The following SETBP1 variants were observed in gnomAD, a reference collection of about 807,000 sequenced individuals.
SETBP1 encodes SET binding protein 1, also known as SET-binding protein.
In SETBP1, 9 loss-of-function variants were observed where a neutral mutation model predicts 101.0. The ratio of observed to expected loss-of-function variants is 0.09; its 90% CI spans 0.05 to 0.16. The LOEUF (loss-of-function observed/expected upper bound fraction) is 0.16, where lower values mean the gene tolerates loss of function less well. SETBP1 is among the 10% of genes least tolerant of loss of function. The pLI, the probability that SETBP1 is intolerant of heterozygous loss-of-function variation, is 1.00. For synonymous variants in SETBP1, 818 were observed against 788.5 expected (o/e 1.04, Z -0.63); for missense variants, 1,858 against 2,033.8 (o/e 0.91, Z 1.66).
intron 4 of SETBP1, among the ~76,000 whole-genome samples, chr18:45,000,386 C>T (rs951708531): frequency 6.6e-6 from 1 of 152,150 alleles, no homozygotes; most frequent in Non-Finnish European, 1.5e-5. Flanking sequence ...CTATAGTGAG[C>T]AGCCAGGATG....
chr18:44,710,869 TG>T (rs1202346573), intron 2 of SETBP1, among the ~76,000 whole-genome samples: 4 of 152,166 alleles, frequency 2.6e-5, no homozygotes, highest in African/African-American at 9.7e-5. Flanking sequence ...CTTGGAAGGT[TG>T]GCACTAAGGC....
At chr18:44,940,025 G>C (rs2071051977) in intron 3 of SETBP1, among the ~76,000 whole-genome samples, 1 of 152,148 alleles carries the variant, frequency 6.6e-6, no homozygotes, top group African/African-American at 2.4e-5. Flanking sequence ...TCATCTCTTA[G>C]TTATTGTTTT....
At chr18:44,988,133 A>G (rs1220106218) in intron 4 of SETBP1, 1 of 152,248 alleles carries the variant, frequency 6.6e-6, no homozygotes, top group African/African-American at 2.4e-5. Flanking sequence ...CGATTTGGAA[A>G]AGAAGGGACA....
intron 2 of SETBP1, among the ~76,000 whole-genome samples, chr18:44,783,668 A>G (rs1333841284): frequency 6.6e-6 from 1 of 152,224 alleles, no homozygotes; most frequent in Non-Finnish European, 1.5e-5. Context: ...TTTTGTGTAT[A>G]TCAGCATATT....
chr18:44,963,750 T>A (rs2071661629), intron 4 of SETBP1, among the ~76,000 whole-genome samples: 1 of 150,972 alleles, frequency 6.6e-6, no homozygotes, highest in South Asian at 2.1e-4. Flanking sequence ...ATTAGCCTGG[T>A]GTGGTGGTGC....
At chr18:44,758,842 T>C (rs1411291397) in intron 2 of SETBP1, among the ~76,000 whole-genome samples, 3 of 152,208 alleles carry the variant, frequency 2.0e-5, no homozygotes, top group East Asian at 1.9e-4. Context: ...TTCCCACCTA[T>C]GTTTTCCACA....
chr18:44,877,205 A>G, intron 3 of SETBP1: 1 of 796,314 alleles, frequency 1.3e-6, no homozygotes, highest in Non-Finnish European at 1.5e-6. Context: ...ACATTTAGAA[A>G]CTTTTATAGC....
At chr18:44,830,092 A>C (rs2072326944) in intron 2 of SETBP1, among the ~76,000 whole-genome samples, 1 of 152,208 alleles carries the variant, frequency 6.6e-6, no homozygotes, top group South Asian at 2.1e-4. Context: ...TAGGTAAATA[A>C]GTTTGGGGAA....
intron 2 of SETBP1, among the ~76,000 whole-genome samples, chr18:44,822,446 T>C (rs2072131717): frequency 6.6e-6 from 1 of 152,276 alleles, no homozygotes; most frequent in Non-Finnish European, 1.5e-5. Flanking sequence ...ATTTAACCAC[T>C]GACTGGCAAA....
Position 44,873,115 on chromosome 18 carries a change from A to C in SETBP1, c.540+3832A>C, listed in dbSNP as rs1052873863. 6.9e-4 allele frequency among the ~76,000 whole-genome samples: 105 copies of C among 152,184 alleles called. 4 individuals are homozygous for C. Among genetic ancestry groups the C allele is most frequent in the Admixed American group, 2.0e-4 (3 of 15,278 alleles). On this transcript the variant is annotated intron_variant, in intron 3 of 5. Coordinates refer to ENST00000649279, the MANE Select transcript of SETBP1 (RefSeq NM_015559.3). ...AGTAAACAAGAACACATAGGAAAAC[A>C]TGTTTTAGTGCAGAGAAAACAGAAC...
In SETBP1 at chr18:45,067,998, GTGTTAAATA is replaced by G. The variant is rs2073991305; in HGVS notation, c.*4304_*4312del. 6.6e-6 allele frequency: 1 copy of G among 152,084 alleles called. No homozygotes were observed. The highest frequency in any genetic ancestry group is 1.5e-5 in the Non-Finnish European group (1 of 68,036). 9.4% of individuals were successfully genotyped at this position (152,084 alleles called of 1,614,324 possible). On this transcript the variant is annotated 3_prime_UTR_variant, in exon 6 of 6. Coordinates refer to ENST00000649279, the MANE Select transcript of SETBP1 (RefSeq NM_015559.3). ...TTAAATAATAATAAATGCACATGAT[GTGTTAAATA>G]TGTACATATATATTTCAAAAGAAAA...
intron 2 of SETBP1, among the ~76,000 whole-genome samples, chr18:44,779,873 T>A (rs12232728): frequency 4.0e-5 from 6 of 151,822 alleles, no homozygotes; most frequent in African/African-American, 1.5e-4. Context: ...TTTCTTCCCT[T>A]GTCTTAATAG....
At chr18:44,927,775 G>A (rs1199972424) in intron 3 of SETBP1, among the ~76,000 whole-genome samples, 9 of 152,206 alleles carry the variant, frequency 5.9e-5, no homozygotes, top group Admixed American at 5.9e-4. Context: ...TGCCAAAAGG[G>A]ATGTGGGGAT....
At position 44,926,656 on chromosome 18, in the gene SETBP1, G is replaced by A. The variant is rs558827352; in HGVS notation, c.541-23225G>A. 3.9e-5 allele frequency among the ~76,000 whole-genome samples: 6 copies of A among 152,304 alleles called. No homozygotes were observed. The East Asian group carries it at 9.7e-4, about 25-fold the overall frequency. ...TGCCAATAGGGCAGTGATTAGAAGGGCAGGTGTCTGAGAAGGGGCCTGCTT... is the reference window on the plus strand; with the variant it reads ...TGCCAATAGGGCAGTGATTAGAAGGACAGGTGTCTGAGAAGGGGCCTGCTT... On this transcript the variant is annotated intron_variant, in intron 3 of 5. Coordinates refer to ENST00000649279, the MANE Select transcript of SETBP1 (RefSeq NM_015559.3).
intron 4 of SETBP1, among the ~76,000 whole-genome samples, chr18:44,994,555 T>C (rs1395894805): frequency 6.6e-6 from 1 of 152,238 alleles, no homozygotes; most frequent in Non-Finnish European, 1.5e-5. Context: ...CTCACAAAAC[T>C]CTTGCCCACA....
chr18:44,681,921 C>T (rs754822041), intron 1 of SETBP1, among the ~76,000 whole-genome samples: 1 of 151,754 alleles, frequency 6.6e-6, no homozygotes, highest in Non-Finnish European at 1.5e-5. Flanking sequence ...TGGAATTCTA[C>T]AGCAGATACC....
intron 3 of SETBP1, among the ~76,000 whole-genome samples, chr18:44,948,387 T>A (rs2071258061): frequency 6.6e-6 from 1 of 152,192 alleles, no homozygotes; most frequent in Non-Finnish European, 1.5e-5. Flanking sequence ...TAATGCTTTA[T>A]GCCATCTGTG....
chr18:44,825,174 G>A (rs1213692347), intron 2 of SETBP1, among the ~76,000 whole-genome samples: 1 of 152,188 alleles, frequency 6.6e-6, no homozygotes, highest in Non-Finnish European at 1.5e-5. Flanking sequence ...GTTATGTCTT[G>A]CCTGTTTCCA....
chr18:44,998,317 C>T (rs1312843375), intron 4 of SETBP1, among the ~76,000 whole-genome samples: 2 of 152,246 alleles, frequency 1.3e-5, no homozygotes, highest in South Asian at 4.1e-4. Context: ...GGTATCTCTC[C>T]TCACACCAGG....
Sources: allele counts gnomAD v4.1 joint callset (sites outside exome capture counted in the v4.1 genomes callset), GRCh38; gene constraint gnomAD v4.1.1; transcripts MANE v1.5; gene names NCBI Gene and HGNC (gene_info 2026-07-23, HGNC 2026-07-21).